Variants in STUM observed in about 807,000 individuals in gnomAD.
STUM encodes stum, mechanosensory transduction mediator homolog, also known as protein stum homolog.
In STUM, 8 loss-of-function variants were observed where a neutral mutation model predicts 15.3. The observed-to-expected ratio is 0.52, with a 90% CI of 0.31 to 0.94. The LOEUF (loss-of-function observed/expected upper bound fraction) is 0.94. Among genes scored for constraint, STUM ranks in the 40% least tolerant of loss-of-function variants. The probability of loss-of-function intolerance (pLI) is 0.05; values close to 1 mark genes in which losing one functional copy is unlikely to be tolerated. For synonymous variants in STUM, 78 were observed against 88.7 expected, an observed-to-expected ratio of 0.88 and a Z score of 0.68; for missense variants, 142 against 204.9, an observed-to-expected ratio of 0.69 and a Z score of 1.87.
intron 1 of STUM, among the ~76,000 whole-genome samples, chr1:226,595,517 G>A (rs1204230573): frequency 6.6e-6 from 1 of 152,212 alleles, no homozygotes; most frequent in African/African-American, 2.4e-5. Context: ...TAAGAGTGTA[G>A]TAAGCCAAAC....
At chr1:226,583,801 C>A (rs998677117) in intron 1 of STUM, among the ~76,000 whole-genome samples, 3 of 152,108 alleles carry the variant, frequency 2.0e-5, no homozygotes, top group African/African-American at 7.2e-5. Flanking sequence ...GGCTCTGGGA[C>A]GGGGGATGGG....
Position 226,600,659 on chromosome 1 carries a change from G to A in STUM, c.383-7G>A, listed in dbSNP as rs777855209. The A allele has an allele frequency of 8.1e-6, 13 of 1,610,926 alleles. No individual in the cohort carries two copies. The highest frequency in any genetic ancestry group is 2.7e-5 in the African/African-American group (2 of 74,874). On this transcript the variant is annotated splice_polypyrimidine_tract_variant and splice_region_variant and intron_variant, in intron 2 of 3. Coordinates refer to ENST00000366788, the MANE Select transcript of STUM (RefSeq NM_001003665.4). This position sits in a 1 kb window ranked among gnomAD's most constrained non-coding sequence, Gnocchi z 5.2. ...CTCCTGCTGCCTCCCACTCTGTGCT[G>A]CTGCAGTTTCCCAAGGTGAGTCTGC... is the stretch of plus-strand genomic sequence containing the variant.
intron 1 of STUM, among the ~76,000 whole-genome samples, chr1:226,568,729 G>C (rs1052348161): frequency 1.3e-5 from 2 of 152,242 alleles, no homozygotes; most frequent in Non-Finnish European, 2.9e-5. Context: ...CCTTGACTTT[G>C]GCTTTGAAAG....
chr1:226,577,294 G>T (rs1280568700), intron 1 of STUM, among the ~76,000 whole-genome samples: 1 of 152,174 alleles, frequency 6.6e-6, no homozygotes, highest in Non-Finnish European at 1.5e-5. Flanking sequence ...TGTCCTCATT[G>T]TGTCGGGTGA....
chr1:226,568,038 G>A (rs377629558), intron 1 of STUM, among the ~76,000 whole-genome samples: 3 of 152,086 alleles, frequency 2.0e-5, no homozygotes, highest in East Asian at 1.9e-4. Flanking sequence ...CCTGCACACC[G>A]GCATCCCACA....
chr1:226,576,841 C>G (rs1667823499), intron 1 of STUM, among the ~76,000 whole-genome samples: 1 of 152,230 alleles, frequency 6.6e-6, no homozygotes, highest in Non-Finnish European at 1.5e-5. Context: ...TGGCTGATGC[C>G]TCTCTGGAGA....
rs542373370 is a variant in STUM, at chr1:226,567,795, T to C, written c.202+18689T>C. On this transcript the variant is annotated intron_variant, in intron 1 of 3. Transcript: ENST00000366788. The surrounding 1 kb of genome is among the most constrained non-coding windows in gnomAD (Gnocchi z 4.5). ...GCATTTGGCACCAGATGCTGCCTAA[T>C]TGAACACCTGAACACAGCTGAGGGG... 2.6e-5 allele frequency among the ~76,000 whole-genome samples: 4 copies of C among 152,306 alleles called. No homozygotes were observed. Among genetic ancestry groups the C allele is most frequent in the African/African-American group, 9.6e-5 (4 of 41,578 alleles).
chr1:226,568,048 A>G (rs1667651310), intron 1 of STUM, among the ~76,000 whole-genome samples: 1 of 152,198 alleles, frequency 6.6e-6, no homozygotes, highest in Non-Finnish European at 1.5e-5. Context: ...GGCATCCCAC[A>G]TGTGCCTAAG....
In STUM at chr1:226,596,815, G is replaced by C; in HGVS notation, c.216G>C (p.Ser72=). 1 of 1,611,782 alleles carries C rather than the reference G, an allele frequency of 6.2e-7. No homozygotes were observed. Among genetic ancestry groups the C allele is most frequent in the South Asian group, 1.1e-5 (1 of 91,024 alleles). ...GGCCTCTCACAGGGACATTCGTCTC[G>C]GCCTTCACTGTGCTGTGCGGGGCCC... is the stretch of plus-strand genomic sequence containing the variant. ...TFVPGLGTFV[S]AFTVLCGART... is the part of the protein sequence containing the mutation. Residue 72 remains serine (S), a synonymous_variant, in exon 2 of 4, where the codon TCG becomes TCC. Transcript: ENST00000366788.
At chr1:226,569,193 CCTAT>C (rs1173711466) in intron 1 of STUM, among the ~76,000 whole-genome samples, 2 of 152,172 alleles carry the variant, frequency 1.3e-5, no homozygotes, top group Non-Finnish European at 2.9e-5. Context: ...CATAATCATA[CCTAT>C]CTCATAGGGC....
chr1:226,560,464 C>T (rs553032310), intron 1 of STUM, among the ~76,000 whole-genome samples: 5 of 152,230 alleles, frequency 3.3e-5, no homozygotes, highest in South Asian at 2.1e-4. Context: ...AACATTGTTT[C>T]GATGATTGTC....
intron 1 of STUM, among the ~76,000 whole-genome samples, chr1:226,556,447 A>C (rs893893025): frequency 1.3e-5 from 2 of 152,212 alleles, no homozygotes; most frequent in African/African-American, 2.4e-5. Flanking sequence ...ATCGGGGCCC[A>C]TTTCATCCAG....
intron 1 of STUM, among the ~76,000 whole-genome samples, chr1:226,563,303 G>A (rs1667571496): frequency 6.6e-6 from 1 of 152,158 alleles, no homozygotes; most frequent in African/African-American, 2.4e-5. Context: ...GTAAGTCAGG[G>A]GCTATCTGGG....
At chr1:226,580,832 T>C (rs1374135993) in intron 1 of STUM, among the ~76,000 whole-genome samples, 2 of 152,198 alleles carry the variant, frequency 1.3e-5, no homozygotes, top group Non-Finnish European at 2.9e-5. Flanking sequence ...GGTGGATCTG[T>C]AGTTAGAGTA....
At position 226,549,059 on chromosome 1, in the gene STUM, C is replaced by T; in HGVS notation, c.155C>T (p.Pro52Leu). 1.3e-6 allele frequency: 2 copies of T among 1,582,050 alleles called. No homozygotes were observed. The highest frequency in any genetic ancestry group is 1.7e-6 in the Non-Finnish European group (2 of 1,166,866). ...GCCGCCATCCCCTACATGCCCTTCCCCGTGGCCGTCATCTGCCTCTTCCTC... is the reference window on the plus strand; with the variant it reads ...GCCGCCATCCCCTACATGCCCTTCCTCGTGGCCGTCATCTGCCTCTTCCTC... ...LRAAIPYMPFPVAVICLFLNT... is the reference protein window; with the variant it reads ...LRAAIPYMPFLVAVICLFLNT... The change falls in exon 1 of 4, where the codon CCC becomes CTC. Residue 52 changes from proline (P) to leucine (L), a missense_variant. Pro to Leu is a moderately conservative substitution (Grantham distance 98). Coordinates refer to ENST00000366788, the MANE Select transcript of STUM (RefSeq NM_001003665.4). The surrounding 1 kb of genome is among the most constrained non-coding windows in gnomAD (Gnocchi z 6.8).
rs113245336 is a variant in STUM, at chr1:226,566,661, T to C, written c.202+17555T>C. On this transcript the variant is annotated intron_variant, in intron 1 of 3. Transcript: ENST00000366788. ...CTCTTAATAGAAAAAAATCAAACTT[T>C]GCTTTCACCAATTCAACCCTCTGTC... Among the ~76,000 whole-genome samples, 712 of 152,316 alleles carry C rather than the reference T, an allele frequency of 4.7e-3. 3 individuals carry two copies. Among genetic ancestry groups the C allele is most frequent in the Middle Eastern group, 0.027 (8 of 294 alleles).
chr1:226,595,065 G>A (rs113463456), intron 1 of STUM, among the ~76,000 whole-genome samples: 7 of 152,302 alleles, frequency 4.6e-5, no homozygotes, highest in Non-Finnish European at 8.8e-5. Context: ...TAGCTGGCTC[G>A]AGCAGGCAGC....
intron 1 of STUM, among the ~76,000 whole-genome samples, chr1:226,569,616 T>C (rs1251498343): frequency 1.3e-5 from 2 of 152,156 alleles, no homozygotes. Flanking sequence ...TCTGACTCAA[T>C]ATTAGCAGAA....
Position 226,567,213 on chromosome 1 carries a change from TC to T in STUM, c.202+18110del, listed in dbSNP as rs1667638176. Among the ~76,000 whole-genome samples the T allele has an allele frequency of 6.6e-6, 1 of 152,144 alleles. No individual in the cohort carries two copies. Among genetic ancestry groups the T allele is most frequent in the Non-Finnish European group, 1.5e-5 (1 of 68,024 alleles). ...CAGGCCAGATTGACCTGAAATCTCT[TC>T]CCGAGCCTTGCTTTCAAAAAGCCTT... On this transcript the variant is annotated intron_variant, in intron 1 of 3. Transcript: ENST00000366788. The surrounding 1 kb of genome is among the most constrained non-coding windows in gnomAD (Gnocchi z 4.5).
Sources: gnomAD v4.1 joint callset for allele counts (sites outside exome capture counted in the v4.1 genomes callset) on GRCh38, gnomAD v4.1.1 for gene constraint, Gnocchi (gnomAD v3.1) non-coding constraint, MANE v1.5 for transcripts, NCBI Gene and HGNC (gene_info 2026-07-23, HGNC 2026-07-21) for gene names.